Variants in TMEM132D observed in about 807,000 individuals in gnomAD.
TMEM132D encodes transmembrane protein 132D.
In TMEM132D, 21 loss-of-function variants were observed where a neutral mutation model predicts 62.3. That is an observed-to-expected ratio of 0.34 (90% CI 0.24 to 0.49). The LOEUF (loss-of-function observed/expected upper bound fraction) is 0.49, where lower values mean the gene tolerates loss of function less well. Among genes scored for constraint, TMEM132D ranks in the 20% least tolerant of loss-of-function variants. The pLI is 0.99. For missense variants in TMEM132D, 1,346 were observed against 1,402.8 expected (o/e 0.96, Z 0.65); for synonymous variants, 621 against 575.6 (o/e 1.08, Z -1.13).
intron 2 of TMEM132D, among the ~76,000 whole-genome samples, chr12:129,650,101 C>G (rs889717557): frequency 6.6e-6 from 1 of 152,178 alleles, no homozygotes; most frequent in Non-Finnish European, 1.5e-5. Flanking sequence ...TATTTTCTAT[C>G]CTAAACCTGC....
In TMEM132D at chr12:129,858,977, A is replaced by T. The variant is rs1265488626; in HGVS notation, c.79+44284T>A. Among the ~76,000 whole-genome samples, 8 of 110,444 alleles carry T rather than the reference A, an allele frequency of 7.2e-5. 1 individual carries two copies. Among genetic ancestry groups the T allele is most frequent in the Non-Finnish European group, 1.4e-4 (8 of 55,302 alleles). 72.5% of individuals were successfully genotyped at this position (110,444 alleles called of 152,430 possible). A position where few individuals can be genotyped will look rare whatever the true frequency, so the allele number is the denominator to read the frequency against. On this transcript the variant is annotated intron_variant, in intron 1 of 8. Coordinates refer to ENST00000422113, the MANE Select transcript of TMEM132D (RefSeq NM_133448.3). ...TGCCCTTGGAGTCCGGGGGAACGGG[A>T]TGGGTGCCCTTGGAGTCCGGGGGAA...
At chr12:129,822,902 G>A (rs1872574539) in intron 1 of TMEM132D, among the ~76,000 whole-genome samples, 1 of 152,270 alleles carries the variant, frequency 6.6e-6, no homozygotes, top group South Asian at 2.1e-4. Flanking sequence ...CACTGACATG[G>A]TTTGGCTCTG....
intron 4 of TMEM132D, among the ~76,000 whole-genome samples, chr12:129,290,058 T>C (rs1466284924): frequency 6.6e-6 from 1 of 152,236 alleles, no homozygotes; most frequent in Non-Finnish European, 1.5e-5. Context: ...CTGGTTTTGA[T>C]CCTTGTACTG....
chr12:129,502,161 G>A (rs933738714), intron 3 of TMEM132D, among the ~76,000 whole-genome samples: 5 of 152,126 alleles, frequency 3.3e-5, no homozygotes, highest in Admixed American at 1.3e-4. Flanking sequence ...CACCACGCCC[G>A]GCTAATTTTT....
intron 2 of TMEM132D, among the ~76,000 whole-genome samples, chr12:129,676,826 A>G (rs1880643288): frequency 6.6e-6 from 1 of 152,042 alleles, no homozygotes; most frequent in African/African-American, 2.4e-5. Flanking sequence ...TATGTTTATC[A>G]TCTATCTACC....
chr12:129,179,585 T>C (rs77179727), intron 5 of TMEM132D, among the ~76,000 whole-genome samples: 2,198 of 152,300 alleles, frequency 0.014, 61 homozygotes, highest in African/African-American at 0.051. Flanking sequence ...TGCTTCCCTA[T>C]GGAAAATGAA....
intron 1 of TMEM132D, among the ~76,000 whole-genome samples, chr12:129,850,613 T>A (rs1410333672): frequency 2.6e-5 from 4 of 152,190 alleles, no homozygotes; most frequent in Non-Finnish European, 5.9e-5. Context: ...ATGGACAGGG[T>A]ATTTTATACA....
At chr12:129,093,757 A>T (rs1371951115) in intron 5 of TMEM132D, among the ~76,000 whole-genome samples, 1 of 152,206 alleles carries the variant, frequency 6.6e-6, no homozygotes, top group African/African-American at 2.4e-5. Flanking sequence ...ATGAAGCTGG[A>T]GGCATCACAC....
chr12:129,676,468 C>T (rs1193906207), intron 2 of TMEM132D, among the ~76,000 whole-genome samples: 1 of 152,170 alleles, frequency 6.6e-6, no homozygotes, highest in African/African-American at 2.4e-5. Context: ...TTATTTGGCT[C>T]ACGGTTCTGC....
At chr12:129,712,980 T>C (rs984431333) in intron 1 of TMEM132D, among the ~76,000 whole-genome samples, 2 of 152,010 alleles carry the variant, frequency 1.3e-5, no homozygotes, top group African/African-American at 4.8e-5. Flanking sequence ...AGAGAAGGAA[T>C]TTCTACTCCG....
At chr12:129,201,796 G>A (rs1738998296) in intron 5 of TMEM132D, among the ~76,000 whole-genome samples, 1 of 152,104 alleles carries the variant, frequency 6.6e-6, no homozygotes, top group African/African-American at 2.4e-5. Flanking sequence ...GAGAAGGAGG[G>A]AGGGAGAGGA....
intron 1 of TMEM132D, among the ~76,000 whole-genome samples, chr12:129,900,445 C>T (rs1875314917): frequency 6.6e-6 from 1 of 152,184 alleles, no homozygotes; most frequent in Non-Finnish European, 1.5e-5. Flanking sequence ...ACGTGCCCAG[C>T]GCCACCCTAG....
chr12:129,742,143 T>G (rs1869629426), intron 1 of TMEM132D, among the ~76,000 whole-genome samples: 1 of 152,194 alleles, frequency 6.6e-6, no homozygotes, highest in African/African-American at 2.4e-5. Flanking sequence ...GTTTTAAGGT[T>G]CAAATACTAA....
At chr12:129,410,169 C>T (rs1871922220) in intron 3 of TMEM132D, among the ~76,000 whole-genome samples, 3 of 152,032 alleles carry the variant, frequency 2.0e-5, no homozygotes, top group Non-Finnish European at 2.9e-5. Context: ...CCAGAGCCAC[C>T]GAGGATCTGA....
intron 1 of TMEM132D, among the ~76,000 whole-genome samples, chr12:129,774,877 T>C (rs1370930178): frequency 6.6e-6 from 1 of 152,192 alleles, no homozygotes; most frequent in Non-Finnish European, 1.5e-5. Context: ...ACACGCTGAG[T>C]AATGGATCTG....
intron 1 of TMEM132D, among the ~76,000 whole-genome samples, chr12:129,760,882 A>G (rs570670042): frequency 1.3e-5 from 2 of 150,974 alleles, no homozygotes; most frequent in South Asian, 2.1e-4. Flanking sequence ...TCATTGTTCA[A>G]CTCCCACTTA....
intron 1 of TMEM132D, among the ~76,000 whole-genome samples, chr12:129,730,265 T>C (rs564458900): frequency 1.2e-4 from 18 of 152,320 alleles, no homozygotes; most frequent in Admixed American, 4.6e-4. Flanking sequence ...GTTTGTCTTT[T>C]TTGTATACTT....
At chr12:129,369,368 CT>C (rs3996441) in intron 3 of TMEM132D, among the ~76,000 whole-genome samples, 102,183 of 150,946 alleles carry the variant, frequency 0.68, 34,944 homozygotes, top group African/African-American at 0.71. Flanking sequence ...CCTCATGCTG[CT>C]TTTTTTTTTT....
At chr12:129,735,860 T>G (rs987626891) in intron 1 of TMEM132D, among the ~76,000 whole-genome samples, 11 of 152,232 alleles carry the variant, frequency 7.2e-5, no homozygotes, top group Non-Finnish European at 1.3e-4. Context: ...GCCATTGTCC[T>G]TATAGACCTA....
Sources: gnomAD v4.1 joint callset for allele counts (sites outside exome capture counted in the v4.1 genomes callset) on GRCh38, gnomAD v4.1.1 for gene constraint, MANE v1.5 for transcripts, NCBI Gene and HGNC (gene_info 2026-07-23, HGNC 2026-07-21) for gene names.